SLCO1B3: variants seen among roughly 807,000 people sequenced by gnomAD.
SLCO1B3 encodes the protein solute carrier organic anion transporter family member 1B3.
A neutral mutation model predicts 71.8 loss-of-function variants in SLCO1B3; 72 were observed. That is an observed-to-expected ratio of 1.00 (90% CI 0.83 to 1.22). The LOEUF (loss-of-function observed/expected upper bound fraction) is 1.22. SLCO1B3 is among the 50% of genes most tolerant of loss of function. The pLI is 0.00. For synonymous variants in SLCO1B3, 298 were observed against 278.4 expected (o/e 1.07, Z -0.70); for missense variants, 911 against 819.7 (o/e 1.11, Z -1.36).
intron 14 of SLCO1B3, among the ~76,000 whole-genome samples, chr12:20,899,242 TTAAA>T (rs1310985133): frequency 6.6e-6 from 1 of 152,228 alleles, no homozygotes; most frequent in East Asian, 1.9e-4. Context: ...ATACTTGTTG[TTAAA>T]TAATGTCTAG....
At chr12:20,828,706 A>G (rs1246432432) in intron 3 of SLCO1B3, among the ~76,000 whole-genome samples, 1 of 152,076 alleles carries the variant, frequency 6.6e-6, no homozygotes, top group Non-Finnish European at 1.5e-5. Flanking sequence ...AATTAAGCTG[A>G]TTTTTAACCA....
chr12:20,872,625 G>T (rs1450561916), intron 8 of SLCO1B3, among the ~76,000 whole-genome samples: 2 of 151,916 alleles, frequency 1.3e-5, no homozygotes, highest in Admixed American at 1.3e-4. Context: ...GTTATTTAGG[G>T]CCTGAGGGCT....
At chr12:20,819,929 C>CT (rs1215044700) in intron 3 of SLCO1B3, among the ~76,000 whole-genome samples, 8 of 151,982 alleles carry the variant, frequency 5.3e-5, no homozygotes, top group African/African-American at 1.9e-4. Context: ...TGAGATGCGG[C>CT]TGTAGTCCAG....
rs555431445 is a variant in SLCO1B3, at chr12:20,819,434, C to T, written c.84+3612C>T. 7.8e-4 allele frequency among the ~76,000 whole-genome samples: 119 copies of T among 152,134 alleles called. 1 individual carries two copies. Among genetic ancestry groups the T allele is most frequent in the African/African-American group, 2.7e-3 (110 of 41,502 alleles). On this transcript the variant is annotated intron_variant, in intron 3 of 15. Transcript: ENST00000381545. Reference sequence around the variant, plus strand: ...AGCCTGATGGGTGTCAGGGTCAGTCCAAGTGAAAGCGAAGAGAGGCTTGGA... The same window carrying T: ...AGCCTGATGGGTGTCAGGGTCAGTCTAAGTGAAAGCGAAGAGAGGCTTGGA...
intron 3 of SLCO1B3, among the ~76,000 whole-genome samples, chr12:20,838,126 T>G (rs1864722027): frequency 6.6e-6 from 1 of 151,956 alleles, no homozygotes; most frequent in Non-Finnish European, 1.5e-5. Flanking sequence ...CTTTTCTTTT[T>G]TTTTAAATTT....
chr12:20,912,456 G>T (rs1866401023), intron 15 of SLCO1B3, among the ~76,000 whole-genome samples: 1 of 148,916 alleles, frequency 6.7e-6, no homozygotes, highest in African/African-American at 2.5e-5. Flanking sequence ...GGCCTTCTGA[G>T]TAGCGGGGAT....
At chr12:20,889,426 G>T (rs1243266812) in intron 13 of SLCO1B3, among the ~76,000 whole-genome samples, 2 of 151,888 alleles carry the variant, frequency 1.3e-5, no homozygotes, top group Non-Finnish European at 2.9e-5. Flanking sequence ...TGGTTCAAAC[G>T]TGTGAGGTTG....
At chr12:20,862,374 A>G in intron 6 of SLCO1B3, 38 bp from the exon 7 acceptor site, 1 of 1,554,908 alleles carries the variant, frequency 6.4e-7, no homozygotes, top group Middle Eastern at 2.2e-4. Context: ...GAATGTTAAA[A>G]TTAATGTTTA....
chr12:20,875,164 A>G (rs767961587), intron 8 of SLCO1B3, 71 bp from the exon 9 acceptor site: 174 of 1,538,398 alleles, frequency 1.1e-4, no homozygotes, highest in Non-Finnish European at 1.5e-4. Context: ...TGCAATCATT[A>G]TCATTATTTC....
chr12:20,897,314 TATTGA>T (rs1591787574), intron 13 of SLCO1B3, among the ~76,000 whole-genome samples: 1 of 152,254 alleles, frequency 6.6e-6, no homozygotes, highest in African/African-American at 2.4e-5. Flanking sequence ...TTATAAGCGC[TATTGA>T]ATTCTTTTCA....
chr12:20,889,832 A>C (rs984032186), intron 13 of SLCO1B3, among the ~76,000 whole-genome samples: 1 of 152,064 alleles, frequency 6.6e-6, no homozygotes, highest in Non-Finnish European at 1.5e-5. Context: ...TTAATGCTAC[A>C]AACTTCCCTC....
intron 3 of SLCO1B3, among the ~76,000 whole-genome samples, chr12:20,837,067 G>A (rs994266527): frequency 2.0e-5 from 3 of 152,068 alleles, no homozygotes; most frequent in Admixed American, 6.5e-5. Context: ...GAAATTGGTC[G>A]ATTTAATTTA....
rs536658795 is a variant in SLCO1B3 at position 20,816,600 on chromosome 12, T to C, written c.84+778T>C. Among the ~76,000 whole-genome samples, 6 of 152,358 alleles carry C rather than the reference T, an allele frequency of 3.9e-5. No homozygotes were observed. In the South Asian group the frequency reaches 1.2e-3, roughly 32 times the overall value. On this transcript the variant is annotated intron_variant, in intron 3 of 15. Coordinates refer to ENST00000381545, the MANE Select transcript of SLCO1B3 (RefSeq NM_019844.4). ...CACTTTTTTTTACGCATTCATCTGC[T>C]GATGCACACTTACATTGCTTCCATA...
intron 8 of SLCO1B3, among the ~76,000 whole-genome samples, chr12:20,868,095 G>C (rs764109765): frequency 1.6e-4 from 24 of 152,262 alleles, no homozygotes; most frequent in Admixed American, 3.9e-4. Context: ...TTTATAGAAA[G>C]AATACAGTTT....
chr12:20,876,731 G>A (rs79605949), intron 9 of SLCO1B3, among the ~76,000 whole-genome samples: 9 of 152,210 alleles, frequency 5.9e-5, no homozygotes, highest in Non-Finnish European at 2.9e-5. Context: ...GCACATCATT[G>A]ATAAGTTTTT....
At chr12:20,862,597 C>T in intron 7 of SLCO1B3, 39 bp downstream of exon 7, 1 of 1,537,972 alleles carries the variant, frequency 6.5e-7, no homozygotes, top group Non-Finnish European at 8.8e-7. Context: ...GATTACATTC[C>T]CTGGATCTAC....
At position 20,916,467 on chromosome 12, in the gene SLCO1B3, T is replaced by G. The variant is rs1041339508; in HGVS notation, c.*220T>G. The G allele has an allele frequency of 3.2e-5, 12 of 370,826 alleles. No homozygotes were observed. The highest frequency in any genetic ancestry group is 2.4e-4 in the African/African-American group (12 of 49,464). 23.0% of individuals were successfully genotyped at this position (370,826 alleles called of 1,614,324 possible). A position where few individuals can be genotyped will look rare whatever the true frequency, so the allele number is the denominator to read the frequency against. On this transcript the variant is annotated 3_prime_UTR_variant, in exon 16 of 16. Coordinates refer to ENST00000381545, the MANE Select transcript of SLCO1B3 (RefSeq NM_019844.4). Reference sequence around the variant, plus strand: ...TTTAAAGTGAGAGGCATGGTTAGTGTGTGATACAATAAAAAGTAATTGTTT... The same window carrying G: ...TTTAAAGTGAGAGGCATGGTTAGTGGGTGATACAATAAAAAGTAATTGTTT...
intron 3 of SLCO1B3, among the ~76,000 whole-genome samples, chr12:20,819,245 TG>T (rs1258875998): frequency 6.6e-6 from 1 of 151,998 alleles, no homozygotes; most frequent in Non-Finnish European, 1.5e-5. Context: ...TGTAAGGGAT[TG>T]AGGTTTGGGA....
chr12:20,841,797 T>G (rs538775314), intron 3 of SLCO1B3, among the ~76,000 whole-genome samples: 2 of 152,238 alleles, frequency 1.3e-5, no homozygotes, highest in African/African-American at 4.8e-5. Flanking sequence ...CTGTTGGGAT[T>G]TTTTTATGTC....
Sources: allele counts gnomAD v4.1 joint callset (sites outside exome capture counted in the v4.1 genomes callset), GRCh38; gene constraint gnomAD v4.1.1; transcripts MANE v1.5; gene names NCBI Gene and HGNC (gene_info 2026-07-23, HGNC 2026-07-21).